Variants in GRID2 observed in about 807,000 individuals in gnomAD.
The protein encoded by GRID2 is glutamate receptor ionotropic, delta-2.
Under a neutral mutation model 114.8 loss-of-function variants are expected in GRID2, and 33 were observed. The ratio of observed to expected loss-of-function variants is 0.29; its 90% CI spans 0.22 to 0.38. The LOEUF (loss-of-function observed/expected upper bound fraction) is 0.38. Among genes scored for constraint, GRID2 ranks in the 10% least tolerant of loss-of-function variants. The pLI is 1.00. For synonymous variants in GRID2, 505 were observed against 449.9 expected, an observed-to-expected ratio of 1.12 and a Z score of -1.55; for missense variants, 1,184 against 1,257.7, an observed-to-expected ratio of 0.94 and a Z score of 0.89.
chr4:92,642,942 T>C (rs1448525402), intron 2 of GRID2, among the ~76,000 whole-genome samples: 1 of 151,776 alleles, frequency 6.6e-6, no homozygotes, highest in African/African-American at 2.4e-5. Flanking sequence ...CTGTTTCTTA[T>C]TCTGATCTAT....
intron 2 of GRID2, among the ~76,000 whole-genome samples, chr4:92,960,277 G>T (rs901236725): frequency 9.2e-5 from 14 of 152,114 alleles, no homozygotes; most frequent in African/African-American, 2.9e-4. Flanking sequence ...ATTATATTCA[G>T]TTCATTGATG....
rs200366753 is a variant in GRID2 at position 92,500,397 on chromosome 4, CAT to C, written c.89-89731_89-89730del. 9.2e-5 allele frequency among the ~76,000 whole-genome samples: 14 copies of C among 151,880 alleles called. 1 individual carries two copies. The East Asian group carries it at 1.4e-3, about 15-fold the overall frequency. On this transcript the variant is annotated intron_variant, in intron 1 of 15. Coordinates refer to ENST00000282020, the MANE Select transcript of GRID2 (RefSeq NM_001510.4). The stretch of plus-strand genomic sequence containing the variant: ...AAAGTTAAATTCTTTTAAAAAAAAA[CAT>C]ATTTTTATTCACATTCCTTTGAGAA...
At chr4:92,986,556 A>G (rs1754518236) in intron 2 of GRID2, among the ~76,000 whole-genome samples, 1 of 152,124 alleles carries the variant, frequency 6.6e-6, no homozygotes, top group African/African-American at 2.4e-5. Context: ...TTGGTAGCAC[A>G]CCACTGGCGA....
At chr4:92,482,975 A>G (rs1579443755) in intron 1 of GRID2, among the ~76,000 whole-genome samples, 1 of 152,184 alleles carries the variant, frequency 6.6e-6, no homozygotes. Context: ...GTATCCATAC[A>G]TGGAATATTT....
chr4:92,351,279 T>G (rs1248531595), intron 1 of GRID2, among the ~76,000 whole-genome samples: 1 of 151,862 alleles, frequency 6.6e-6, no homozygotes, highest in African/African-American at 2.4e-5. Context: ...CTGCATTATT[T>G]TATATTTCTA....
intron 8 of GRID2, among the ~76,000 whole-genome samples, chr4:93,385,331 G>T (rs577010558): frequency 6.6e-6 from 1 of 152,196 alleles, no homozygotes. Flanking sequence ...GACTCTTGGT[G>T]TGAACCCAAT....
At chr4:93,102,459 T>C (rs1183891046) in intron 3 of GRID2, among the ~76,000 whole-genome samples, 1 of 152,126 alleles carries the variant, frequency 6.6e-6, no homozygotes, top group African/African-American at 2.4e-5. Flanking sequence ...AAATCAACTT[T>C]AGGGATGAAT....
At chr4:92,485,950 C>A (rs1722867221) in intron 1 of GRID2, among the ~76,000 whole-genome samples, 1 of 151,532 alleles carries the variant, frequency 6.6e-6, no homozygotes. Flanking sequence ...GAAAACTAAT[C>A]ATGTAAATAT....
intron 2 of GRID2, among the ~76,000 whole-genome samples, chr4:92,919,025 C>G (rs1749069358): frequency 2.0e-5 from 3 of 152,152 alleles, no homozygotes; most frequent in Admixed American, 6.6e-5. Flanking sequence ...GCCTCAATTT[C>G]AGATCCTGTT....
In GRID2 at chr4:93,788,718, C is replaced by T. The variant is rs188190869; in HGVS notation, c.222-17997C>T. Among the ~76,000 whole-genome samples the T allele has an allele frequency of 5.3e-5, 8 of 152,242 alleles. No individual in the cohort carries two copies. In the East Asian group the frequency reaches 7.7e-4, roughly 15 times the overall value. ...GTAATTAATCTAAGGGTCTCCTATG[C>T]GGTAGAATAACTATCACAACTTAAC... On this transcript the variant is annotated intron_variant, in intron 1 of 1. Coordinates refer to the GRID2 transcript ENST00000637838.
At chr4:93,173,900 A>C (rs1739092341) in intron 4 of GRID2, among the ~76,000 whole-genome samples, 1 of 152,120 alleles carries the variant, frequency 6.6e-6, no homozygotes. Flanking sequence ...TGGGATTACA[A>C]GTGTTGAGCC....
At chr4:92,675,705 G>C (rs6854329) in intron 2 of GRID2, among the ~76,000 whole-genome samples, 9,739 of 151,582 alleles carry the variant, frequency 0.064, 371 homozygotes, top group East Asian at 0.17. Flanking sequence ...GGTCCGCCAC[G>C]ACGCCTGGCT....
At chr4:93,177,253 T>A (rs745922569) in intron 4 of GRID2, among the ~76,000 whole-genome samples, 1 of 152,066 alleles carries the variant, frequency 6.6e-6, no homozygotes, top group Non-Finnish European at 1.5e-5. Context: ...TTTGCATTTT[T>A]AAAAAATATA....
chr4:93,028,451 A>T (rs966880469), intron 2 of GRID2, among the ~76,000 whole-genome samples: 1 of 152,084 alleles, frequency 6.6e-6, no homozygotes, highest in Admixed American at 6.6e-5. Context: ...GACCGGAAAG[A>T]GTTCCAAAAG....
chr4:93,795,693 G>A (rs956945911), intron 1 of GRID2, among the ~76,000 whole-genome samples: 2 of 152,090 alleles, frequency 1.3e-5, no homozygotes, highest in African/African-American at 2.4e-5. Flanking sequence ...TTCTGTAAAT[G>A]TTATTAATCC....
At chr4:92,794,766 T>C (rs1290664676) in intron 2 of GRID2, among the ~76,000 whole-genome samples, 1 of 151,044 alleles carries the variant, frequency 6.6e-6, no homozygotes, top group Non-Finnish European at 1.5e-5. Context: ...CCTTGTGCAG[T>C]TGAAAATCCA....
intron 13 of GRID2, among the ~76,000 whole-genome samples, chr4:93,568,337 A>G (rs1333897038): frequency 6.6e-6 from 1 of 152,182 alleles, no homozygotes; most frequent in Non-Finnish European, 1.5e-5. Flanking sequence ...ATGGTTCTCA[A>G]AGTGGTTGGT....
intron 8 of GRID2, among the ~76,000 whole-genome samples, chr4:93,382,467 C>T (rs1763946040): frequency 6.6e-6 from 1 of 151,918 alleles, no homozygotes; most frequent in African/African-American, 2.4e-5. Context: ...CCATGGTCTT[C>T]TCTTTACATT....
chr4:93,269,719 A>AT (rs1275682421), intron 8 of GRID2, among the ~76,000 whole-genome samples: 10 of 152,226 alleles, frequency 6.6e-5, no homozygotes, highest in Admixed American at 6.5e-4. Context: ...AACACAGGAA[A>AT]TTCACTGCAA....
Sources: allele counts gnomAD v4.1 joint callset (sites outside exome capture counted in the v4.1 genomes callset), GRCh38; gene constraint gnomAD v4.1.1; transcripts MANE v1.5; gene names NCBI Gene and HGNC (gene_info 2026-07-23, HGNC 2026-07-21).